The following CUL2 variants were observed in gnomAD, a reference collection of about 807,000 sequenced individuals.
The protein encoded by CUL2 is cullin-2.
Under a neutral mutation model 110.2 loss-of-function variants are expected in CUL2, and 22 were observed. That is an observed-to-expected ratio of 0.20 (90% CI 0.14 to 0.28). The LOEUF is 0.28. CUL2 is among the 10% of genes least tolerant of loss of function. The pLI, the probability that CUL2 is intolerant of heterozygous loss-of-function variation, is 1.00. For synonymous variants in CUL2, 279 were observed against 293.2 expected, an observed-to-expected ratio of 0.95 and a Z score of 0.49; for missense variants, 631 against 905.5, an observed-to-expected ratio of 0.70 and a Z score of 3.89.
chr10:35,124,454 G>C (rs2087715198), intron 1 of CUL2, among the ~76,000 whole-genome samples: 1 of 151,980 alleles, frequency 6.6e-6, no homozygotes, highest in Admixed American at 6.6e-5. Flanking sequence ...AGAGACGGAA[G>C]AGGGCAAAAA....
chr10:35,078,545 CCT>C (rs2086876813), intron 1 of CUL2, among the ~76,000 whole-genome samples: 1 of 152,130 alleles, frequency 6.6e-6, no homozygotes, highest in African/African-American at 2.4e-5. Flanking sequence ...AGGTGATCCC[CCT>C]GCCTCAACCT....
Position 35,057,198 on chromosome 10 carries a change from G to T in CUL2, c.318-2659C>A, listed in dbSNP as rs181271348. Among the ~76,000 whole-genome samples the T allele has an allele frequency of 3.6e-3, 544 of 152,244 alleles. 2 individuals are homozygous for T. The highest frequency in any genetic ancestry group is 0.022 in the South Asian group (104 of 4,820). ...CAAAGATCTAGATGTATATTCTTGA[G>T]CCAGGTATTGATTTAGTGCAGCTTT... On this transcript the variant is annotated intron_variant, in intron 4 of 20. Coordinates refer to ENST00000374749, the MANE Select transcript of CUL2 (RefSeq NM_003591.4).
At position 35,031,532 on chromosome 10, in the gene CUL2, T is replaced by A; in HGVS notation, c.1258A>T (p.Thr420Ser). ...EVEDRLTSFI[T>S]VFKYIDDKDV... ...TTGTCATCAATGTATTTGAACACTGTGATGAAGCTCGTGAGCCTGTCTTCC... is the reference window on the plus strand; with the variant it reads ...TTGTCATCAATGTATTTGAACACTGAGATGAAGCTCGTGAGCCTGTCTTCC... The change falls in exon 13 of 21, where the codon ACA (threonine) becomes TCA (serine). Residue 420 changes from threonine to serine, a missense_variant. By Grantham distance (58) the Thr-to-Ser change is moderately conservative. This residue lies in a region of CUL2 where 134 missense variants were observed against 260.4 expected (regional missense o/e 0.51). Coordinates refer to ENST00000374749, the MANE Select transcript of CUL2 (RefSeq NM_003591.4). The surrounding 1 kb of genome is among the most constrained non-coding windows in gnomAD (Gnocchi z 4.4). 1 of 1,614,200 alleles carries A rather than the reference T, an allele frequency of 6.2e-7. No homozygotes were observed.
chr10:35,023,009 C>T (rs941016711), intron 17 of CUL2, among the ~76,000 whole-genome samples: 2 of 152,144 alleles, frequency 1.3e-5, no homozygotes, highest in Non-Finnish European at 2.9e-5. Flanking sequence ...CGCCACTGCA[C>T]TCCAGCCTGG....
At chr10:35,021,494 T>A (rs2134664985) in intron 17 of CUL2, among the ~76,000 whole-genome samples, 1 of 151,160 alleles carries the variant, frequency 6.6e-6, no homozygotes, top group East Asian at 1.9e-4. Context: ...TAAAACTATA[T>A]AGATGATATT....
At chr10:35,084,346 G>A (rs1314181146) in intron 1 of CUL2, among the ~76,000 whole-genome samples, 2 of 152,146 alleles carry the variant, frequency 1.3e-5, no homozygotes, top group Non-Finnish European at 2.9e-5. Context: ...TAAAGCAAAA[G>A]GAAATATTCC....
At chr10:35,078,859 T>A (rs1265677298) in intron 1 of CUL2, among the ~76,000 whole-genome samples, 2 of 152,190 alleles carry the variant, frequency 1.3e-5, no homozygotes, top group African/African-American at 4.8e-5. Context: ...CAATAAAAAT[T>A]TGGCATCCAA....
rs1413142020 is a variant in CUL2, at chr10:35,009,025, A to G, written c.*1286T>C. 1 of 151,908 alleles carries G rather than the reference A, an allele frequency of 6.6e-6. No individual in the cohort carries two copies. Among genetic ancestry groups the G allele is most frequent in the African/African-American group, 2.4e-5 (1 of 41,366 alleles). The allele number at this position is 151,908 out of a possible 1,614,324, so 9.4% of individuals were successfully genotyped here. On this transcript the variant is annotated 3_prime_UTR_variant, in exon 21 of 21. Transcript: ENST00000374749. ...AGGATTGCTTGAGGCCAGAAGTTCC[A>G]GACTAGCCTGGGAAACATGGCGAAA...
intron 3 of CUL2, among the ~76,000 whole-genome samples, chr10:35,062,434 C>A (rs2086407721): frequency 6.6e-6 from 1 of 152,118 alleles, no homozygotes; most frequent in African/African-American, 2.4e-5. Context: ...GACGTAGGAG[C>A]ACATTTTAAA....
intron 4 of CUL2, 61 bp downstream of exon 4, chr10:35,060,813 T>A (rs2086362681): frequency 1.5e-6 from 2 of 1,313,872 alleles, no homozygotes; most frequent in Non-Finnish European, 2.1e-6. Flanking sequence ...AAAATTATCC[T>A]GTCAACTACT....
At chr10:35,020,964 T>G (rs77794779) in intron 17 of CUL2, among the ~76,000 whole-genome samples, 4 of 100,366 alleles carry the variant, frequency 4.0e-5, no homozygotes, top group Non-Finnish European at 6.5e-5. Flanking sequence ...ATTTTATGGG[T>G]TTTTTTTTTT....
chr10:35,083,079 C>T (rs568014924), intron 1 of CUL2, among the ~76,000 whole-genome samples: 1 of 150,844 alleles, frequency 6.6e-6, no homozygotes, highest in Non-Finnish European at 1.5e-5. Context: ...ATCGCTTGAA[C>T]CCAGGAGGCA....
intron 1 of CUL2, among the ~76,000 whole-genome samples, chr10:35,124,369 C>T (rs1441157038): frequency 6.6e-6 from 1 of 151,874 alleles, no homozygotes; most frequent in Non-Finnish European, 1.5e-5. Flanking sequence ...ATTGCTTAAG[C>T]CCAGGAGTTC....
At chr10:35,022,200 A>C (rs1355173559) in intron 17 of CUL2, among the ~76,000 whole-genome samples, 1 of 152,190 alleles carries the variant, frequency 6.6e-6, no homozygotes, top group East Asian at 1.9e-4. Context: ...TTGATCAATG[A>C]ATTTTACAAC....
intron 1 of CUL2, among the ~76,000 whole-genome samples, chr10:35,107,913 A>AGAAGACCT (rs2087481375): frequency 6.8e-6 from 1 of 147,846 alleles, no homozygotes; most frequent in Admixed American, 6.8e-5. Flanking sequence ...AAAAAAAAGT[A>AGAAGACCT]GAAGACCTGG....
chr10:35,032,186 C>T (rs1564707346), intron 12 of CUL2, among the ~76,000 whole-genome samples: 2 of 152,148 alleles, frequency 1.3e-5, no homozygotes. Flanking sequence ...ACAGAATCTA[C>T]ATGAAAAGTA....
chr10:35,027,206 G>A (rs1054901114), intron 16 of CUL2, among the ~76,000 whole-genome samples: 4 of 148,202 alleles, frequency 2.7e-5, no homozygotes, highest in African/African-American at 1.0e-4. Flanking sequence ...GTGCAGTGGC[G>A]CAAACTCGGC....
intron 2 of CUL2, 121 bp downstream of exon 2, chr10:35,071,078 G>A: frequency 1.1e-6 from 1 of 917,906 alleles, no homozygotes; most frequent in South Asian, 1.7e-5. Flanking sequence ...TGGAAATGTA[G>A]ATGATAATAT....
intron 11 of CUL2, 71 bp downstream of exon 11, chr10:35,033,095 T>C (rs1588972424): frequency 1.2e-6 from 1 of 841,522 alleles, no homozygotes; most frequent in East Asian, 2.9e-5. Context: ...ACTAGAATTC[T>C]GATCTTGAAA....
Sources: gnomAD v4.1 joint callset for allele counts (sites outside exome capture counted in the v4.1 genomes callset) on GRCh38, gnomAD v4.1.1 for gene constraint, gnomAD v4.1.1 regional missense constraint, Gnocchi (gnomAD v3.1) non-coding constraint, MANE v1.5 for transcripts, NCBI Gene and HGNC (gene_info 2026-07-23, HGNC 2026-07-21) for gene names.